Variants in MGAT5 observed in about 807,000 individuals in gnomAD.
MGAT5 encodes the protein alpha-1,6-mannosylglycoprotein 6-beta-N-acetylglucosaminyltransferase A.
Under a neutral mutation model 94.3 loss-of-function variants are expected in MGAT5, and 30 were observed. The observed-to-expected ratio is 0.32, with a 90% CI of 0.24 to 0.43. The LOEUF is 0.43. Ranked by LOEUF, MGAT5 falls within the 20% of genes least tolerant of loss-of-function variation. The pLI is 1.00. For synonymous variants in MGAT5, 310 were observed against 322.9 expected (o/e 0.96, Z 0.43); for missense variants, 691 against 905.5 (o/e 0.76, Z 3.04).
intron 10 of MGAT5, among the ~76,000 whole-genome samples, chr2:134,368,249 C>CA (rs1257040072): frequency 2.6e-5 from 4 of 152,360 alleles, no homozygotes; most frequent in Non-Finnish European, 5.9e-5. Flanking sequence ...CAAATACTGG[C>CA]ATCACAGGTA....
intron 13 of MGAT5, 42 bp from the exon 14 acceptor site, chr2:134,428,323 C>T: frequency 6.3e-7 from 1 of 1,586,712 alleles, no homozygotes; most frequent in South Asian, 1.1e-5. Flanking sequence ...GCTACATGTT[C>T]TCTGTCCTTC....
chr2:134,351,487 T>C (rs1490696978), intron 9 of MGAT5, among the ~76,000 whole-genome samples: 2 of 152,142 alleles, frequency 1.3e-5, no homozygotes, highest in Non-Finnish European at 2.9e-5. Flanking sequence ...GGTTTCTTTT[T>C]TCCTAGAAAA....
chr2:134,419,763 A>C (rs927625965), intron 12 of MGAT5, among the ~76,000 whole-genome samples: 1 of 152,304 alleles, frequency 6.6e-6, no homozygotes, highest in Non-Finnish European at 1.5e-5. Context: ...ATAGCTCAGC[A>C]TTTTGTATTT....
intron 1 of MGAT5, among the ~76,000 whole-genome samples, chr2:134,217,347 G>A (rs1484637921): frequency 1.3e-5 from 2 of 152,018 alleles, no homozygotes; most frequent in East Asian, 1.9e-4. Flanking sequence ...GGTCTGGGCT[G>A]TGCCAAACCT....
At chr2:134,256,936 A>C (rs976901963) in intron 1 of MGAT5, among the ~76,000 whole-genome samples, 1 of 152,104 alleles carries the variant, frequency 6.6e-6, no homozygotes, top group Non-Finnish European at 1.5e-5. Context: ...TATGTGCTTG[A>C]GGTACTGGGG....
At chr2:134,248,123 T>C (rs2105477887) in intron 1 of MGAT5, among the ~76,000 whole-genome samples, 1 of 152,260 alleles carries the variant, frequency 6.6e-6, no homozygotes, top group East Asian at 1.9e-4. Flanking sequence ...CTACTAAGGG[T>C]AAAATCTTGT....
intron 2 of MGAT5, among the ~76,000 whole-genome samples, chr2:134,300,320 T>G (rs558023571): frequency 6.6e-6 from 1 of 152,228 alleles, no homozygotes; most frequent in African/African-American, 2.4e-5. Context: ...AAATCTGAAG[T>G]CGGGTGATTT....
chr2:134,407,112 C>T (rs562126298), intron 11 of MGAT5, among the ~76,000 whole-genome samples: 2 of 152,272 alleles, frequency 1.3e-5, no homozygotes, highest in African/African-American at 4.8e-5. Context: ...GTATACCCTG[C>T]GCCTAGATCT....
chr2:134,412,942 T>G lies in MGAT5; in HGVS notation c.1604T>G (p.Leu535Arg). Residue 535 changes from leucine to arginine, a missense_variant, in exon 12 of 16, where the codon CTG becomes CGG. Transcript: ENST00000281923. Reference protein sequence around the residue: ...LEAIANGCAFLNPKFNPPKSS... With the variant: ...LEAIANGCAFRNPKFNPPKSS... Reference sequence around the variant, plus strand: ...GCTATCGCAAATGGATGTGCTTTTCTGAATCCCAAGTTCAACCCACCCAAA... The same window carrying G: ...GCTATCGCAAATGGATGTGCTTTTCGGAATCCCAAGTTCAACCCACCCAAA... 6.2e-7 allele frequency: 1 copy of G among 1,614,202 alleles called. No individual in the cohort carries two copies. Among genetic ancestry groups the G allele is most frequent in the Non-Finnish European group, 8.5e-7 (1 of 1,180,026 alleles).
intron 9 of MGAT5, among the ~76,000 whole-genome samples, chr2:134,358,177 C>G (rs568601957): frequency 7.2e-6 from 1 of 139,552 alleles, no homozygotes; most frequent in South Asian, 2.4e-4. Context: ...CTCTCTCTAT[C>G]CATCACTCCA....
intron 2 of MGAT5, among the ~76,000 whole-genome samples, chr2:134,312,107 A>G (rs1363003203): frequency 6.6e-6 from 1 of 152,148 alleles, no homozygotes; most frequent in African/African-American, 2.4e-5. Flanking sequence ...AAAACTAACC[A>G]GTCACAATGG....
intron 1 of MGAT5, among the ~76,000 whole-genome samples, chr2:134,180,056 T>C (rs1193519957): frequency 6.6e-6 from 1 of 152,258 alleles, no homozygotes; most frequent in African/African-American, 2.4e-5. Context: ...TGCCCAGAAG[T>C]TATCCTATAT....
intron 9 of MGAT5, among the ~76,000 whole-genome samples, chr2:134,357,028 CAT>C (rs1254144501): frequency 6.6e-6 from 1 of 152,172 alleles, no homozygotes; most frequent in Non-Finnish European, 1.5e-5. Context: ...GAATCTGAGA[CAT>C]ATAATGGCAG....
At chr2:134,391,665 A>AG (rs1682420445) in intron 10 of MGAT5, among the ~76,000 whole-genome samples, 2 of 152,156 alleles carry the variant, frequency 1.3e-5, no homozygotes, top group Non-Finnish European at 2.9e-5. Context: ...GTACCATCAC[A>AG]GGGGGGATAA....
At chr2:134,289,692 C>T (rs994166291) in intron 2 of MGAT5, among the ~76,000 whole-genome samples, 1 of 152,196 alleles carries the variant, frequency 6.6e-6, no homozygotes, top group Non-Finnish European at 1.5e-5. Flanking sequence ...ATGCTGAACA[C>T]CTGCATTCCT....
chr2:134,292,027 A>AT (rs371113334), intron 2 of MGAT5, among the ~76,000 whole-genome samples: 65 of 148,506 alleles, frequency 4.4e-4, no homozygotes, highest in South Asian at 1.3e-3. Flanking sequence ...TGATTATACC[A>AT]TTTTTTTTTT....
intron 1 of MGAT5, among the ~76,000 whole-genome samples, chr2:134,200,166 C>T (rs941469440): frequency 6.7e-6 from 1 of 149,616 alleles, no homozygotes; most frequent in Admixed American, 6.6e-5. Context: ...CATTCCCCCC[C>T]TGCCCCGCCA....
chr2:134,330,461 A>G (rs1450217321), intron 4 of MGAT5, among the ~76,000 whole-genome samples: 2 of 152,082 alleles, frequency 1.3e-5, no homozygotes, highest in African/African-American at 4.8e-5. Flanking sequence ...TAGAGAAGTT[A>G]TAGTGGCAAA....
chr2:134,440,087 C>CCCT (rs1472408384), intron 14 of MGAT5, among the ~76,000 whole-genome samples: 2 of 152,160 alleles, frequency 1.3e-5, no homozygotes, highest in African/African-American at 4.8e-5. Context: ...AGTCCTCCAA[C>CCCT]CCTCTCCTCA....
Sources: allele counts gnomAD v4.1 joint callset (sites outside exome capture counted in the v4.1 genomes callset), GRCh38; gene constraint gnomAD v4.1.1; transcripts MANE v1.5; gene names NCBI Gene and HGNC (gene_info 2026-07-23, HGNC 2026-07-21).